The following NT5C1A variants were observed in gnomAD, a reference collection of about 807,000 sequenced individuals.
The protein encoded by NT5C1A is 5'-nucleotidase, cytosolic IA, also known as cytosolic 5'-nucleotidase 1A.
In NT5C1A, 18 loss-of-function variants were observed where a neutral mutation model predicts 31.0. The ratio of observed to expected loss-of-function variants is 0.58; its 90% CI spans 0.40 to 0.86. NT5C1A has a LOEUF of 0.86. Ranked by LOEUF, NT5C1A falls within the 40% of genes least tolerant of loss-of-function variation. The pLI, the probability that NT5C1A is intolerant of heterozygous loss-of-function variation, is 0.00. For synonymous variants in NT5C1A, 185 were observed against 203.6 expected, an observed-to-expected ratio of 0.91 and a Z score of 0.78; for missense variants, 470 against 505.4, an observed-to-expected ratio of 0.93 and a Z score of 0.67.
Position 39,656,609 on chromosome 1 carries a change from G to A in NT5C1A, c.*2512C>T, listed in dbSNP as rs1646460218. On this transcript the variant is annotated 3_prime_UTR_variant, in exon 6 of 6. Transcript: ENST00000235628. The stretch of plus-strand genomic sequence containing the variant: ...TCCTGAGAGACATGGAATCATCAGT[G>A]GTGTTCATCACCAGGCCCTGGGGGC... Among the ~76,000 whole-genome samples the A allele has an allele frequency of 6.6e-6, 1 of 152,236 alleles. No homozygotes were observed. The highest frequency in any genetic ancestry group is 1.5e-5 in the Non-Finnish European group (1 of 68,046).
rs12035327 is a variant in NT5C1A, at chr1:39,670,026, T to C, written c.135+1878A>G. Among the ~76,000 whole-genome samples the C allele has an allele frequency of 0.013, 2,041 of 152,364 alleles. 88 individuals carry two copies. The East Asian group carries it at 0.15, about 11-fold the overall frequency. ...TTGAATTCAATATGTAAGCCAGATATTACCATATATCTCATACCATATGGT... is the reference window on the plus strand; with the variant it reads ...TTGAATTCAATATGTAAGCCAGATACTACCATATATCTCATACCATATGGT... On this transcript the variant is annotated intron_variant, in intron 1 of 5. Coordinates refer to ENST00000235628, the MANE Select transcript of NT5C1A (RefSeq NM_032526.3).
At position 39,670,869 on chromosome 1, in the gene NT5C1A, T is replaced by TCC. The variant is rs11306359; in HGVS notation, c.135+1033_135+1034dup. ...CCCCAGTGTGATGTCACTACTCTAC[T>TCC]CCCCCCCCAACTCCCCTAGGCTCTC... On this transcript the variant is annotated intron_variant, in intron 1 of 5. Transcript: ENST00000235628. 1.2e-3 allele frequency among the ~76,000 whole-genome samples: 179 copies of TCC among 150,278 alleles called. 1 individual carries two copies. In the East Asian group the frequency reaches 0.023, roughly 19 times the overall value.
chr1:39,653,137 C>T lies in NT5C1A; in HGVS notation c.*5984G>A, dbSNP rs1008993440. On this transcript the variant is annotated 3_prime_UTR_variant, in exon 6 of 6. Coordinates refer to ENST00000235628, the MANE Select transcript of NT5C1A (RefSeq NM_032526.3). Reference sequence around the variant, plus strand: ...AGGCAGGTATAGTCAAAAGGATTGCCCTTACACAGATTCTACCACTTCCTT... The same window carrying T: ...AGGCAGGTATAGTCAAAAGGATTGCTCTTACACAGATTCTACCACTTCCTT... 6.6e-6 allele frequency among the ~76,000 whole-genome samples: 1 copy of T among 151,884 alleles called. No homozygotes were observed. The highest frequency in any genetic ancestry group is 1.9e-4 in the East Asian group (1 of 5,162).
At chr1:39,671,600 T>A (rs1286944999) in intron 1 of NT5C1A, among the ~76,000 whole-genome samples, 1 of 152,038 alleles carries the variant, frequency 6.6e-6, no homozygotes, top group Admixed American at 6.6e-5. Flanking sequence ...CGCCAACAAG[T>A]GCAATCCGCG....
At chr1:39,663,498 C>T in intron 3 of NT5C1A, 64 bp from the exon 4 acceptor site, 1 of 1,568,114 alleles carries the variant, frequency 6.4e-7, no homozygotes. Flanking sequence ...GGCAGTCTCT[C>T]TGTGCCCAGT....
chr1:39,660,928 G>C (rs548791978), intron 5 of NT5C1A, 151 bp downstream of exon 5: 2 of 569,368 alleles, frequency 3.5e-6, no homozygotes, highest in African/African-American at 3.6e-5. Context: ...ATTGATGGGG[G>C]GTCAGTGGTC....
rs1479998756 is a variant in NT5C1A at position 39,655,400 on chromosome 1, G to A, written c.*3721C>T. ...GCTTCTGGGGGTTCACAAACGTTTGGCTCTAATTTAAATTATTTGTAGGTG... is the reference window on the plus strand; with the variant it reads ...GCTTCTGGGGGTTCACAAACGTTTGACTCTAATTTAAATTATTTGTAGGTG... On this transcript the variant is annotated 3_prime_UTR_variant, in exon 6 of 6. Transcript: ENST00000235628. Among the ~76,000 whole-genome samples the A allele has an allele frequency of 1.3e-5, 2 of 152,144 alleles. No homozygotes were observed. Among genetic ancestry groups the A allele is most frequent in the Non-Finnish European group, 2.9e-5 (2 of 68,034 alleles).
chr1:39,660,433 C>T (rs2124150958), intron 5 of NT5C1A, among the ~76,000 whole-genome samples: 1 of 152,306 alleles, frequency 6.6e-6, no homozygotes, highest in East Asian at 1.9e-4. Flanking sequence ...CTGAGAGACA[C>T]TGAGCAGTTT....
intron 3 of NT5C1A, among the ~76,000 whole-genome samples, chr1:39,665,293 A>G (rs1349488785): frequency 2.0e-5 from 3 of 152,232 alleles, no homozygotes; most frequent in Non-Finnish European, 4.4e-5. Context: ...GTGTTGTTCA[A>G]CCACTGACAG....
chr1:39,654,308 C>A lies in NT5C1A; in HGVS notation c.*4813G>T, dbSNP rs1471120819. On this transcript the variant is annotated 3_prime_UTR_variant, in exon 6 of 6. Transcript: ENST00000235628. The stretch of plus-strand genomic sequence containing the variant: ...TGAACCGGCTAAAGTCCTCACGGGA[C>A]CCTCTTCACGACGGACTTGTTCTTG... 1.3e-5 allele frequency among the ~76,000 whole-genome samples: 2 copies of A among 152,216 alleles called. No individual in the cohort carries two copies. Among genetic ancestry groups the A allele is most frequent in the Non-Finnish European group, 2.9e-5 (2 of 68,046 alleles).
intron 1 of NT5C1A, among the ~76,000 whole-genome samples, chr1:39,667,723 A>G (rs1379748340): frequency 6.6e-6 from 1 of 152,232 alleles, no homozygotes; most frequent in Non-Finnish European, 1.5e-5. Flanking sequence ...CTCATGATCC[A>G]ACCCCAAGAC....
chr1:39,665,669 C>T lies in NT5C1A; in HGVS notation c.304-19G>A. On this transcript the variant is annotated intron_variant, in intron 2 of 5. Transcript: ENST00000235628. Reference sequence around the variant, plus strand: ...CCAGAGCCTGGAAAGGAGAGGGCACCCCCCAGCTTAGACCCCCAAGGATTG... The same window carrying T: ...CCAGAGCCTGGAAAGGAGAGGGCACTCCCCAGCTTAGACCCCCAAGGATTG... The T allele has an allele frequency of 6.2e-7, 1 of 1,610,958 alleles. No homozygotes were observed. Among genetic ancestry groups the T allele is most frequent in the Non-Finnish European group, 8.5e-7 (1 of 1,178,994 alleles).
rs763938601 is a variant in NT5C1A, at chr1:39,656,993, G to A, written c.*2128C>T. On this transcript the variant is annotated 3_prime_UTR_variant, in exon 6 of 6. Coordinates refer to ENST00000235628, the MANE Select transcript of NT5C1A (RefSeq NM_032526.3). ...GGAGCTCTGGAAGTAGACACAACCC[G>A]GGTCTTCTGCCCCAAGGCCTCCTCT... is the stretch of plus-strand genomic sequence containing the variant. Among the ~76,000 whole-genome samples, 2 of 152,190 alleles carry A rather than the reference G, an allele frequency of 1.3e-5. No homozygotes were observed. Among genetic ancestry groups the A allele is most frequent in the African/African-American group, 4.8e-5 (2 of 41,440 alleles).
intron 2 of NT5C1A, 134 bp downstream of exon 2, chr1:39,665,935 T>C: frequency 1.2e-6 from 1 of 851,530 alleles, no homozygotes; most frequent in Non-Finnish European, 1.8e-6. Flanking sequence ...CTCTGTCACC[T>C]AGCCAAGCTG....
At position 39,658,365 on chromosome 1, in the gene NT5C1A, G is replaced by C. The variant is rs1646473789; in HGVS notation, c.*756C>G. On this transcript the variant is annotated 3_prime_UTR_variant, in exon 6 of 6. Coordinates refer to ENST00000235628, the MANE Select transcript of NT5C1A (RefSeq NM_032526.3). ...TTCAAAATGTGTAAAATTATAGATA[G>C]AGTTGCTGGGGGCGATTTTGCATTT... 6.6e-6 allele frequency among the ~76,000 whole-genome samples: 1 copy of C among 152,198 alleles called. No homozygotes were observed. The highest frequency in any genetic ancestry group is 6.5e-5 in the Admixed American group (1 of 15,284).
chr1:39,670,472 T>G (rs551647381), intron 1 of NT5C1A, among the ~76,000 whole-genome samples: 9 of 152,100 alleles, frequency 5.9e-5, no homozygotes, highest in Non-Finnish European at 1.2e-4. Context: ...TACATTAGAG[T>G]GAGTTGGGTT....
rs555675383 is a variant in NT5C1A, at chr1:39,665,572, T to G, written c.382A>C (p.Asn128His). The G allele has an allele frequency of 6.2e-7, 1 of 1,613,578 alleles. No homozygotes were observed. Among genetic ancestry groups the G allele is most frequent in the Non-Finnish European group, 8.5e-7 (1 of 1,179,922 alleles). Reference sequence around the variant, plus strand: ...CGGACACCCACTTGAGCATGGTTGTTAGTCATGAGGACGATGTCGAAGACG... The same window carrying G: ...CGGACACCCACTTGAGCATGGTTGTGAGTCATGAGGACGATGTCGAAGACG... ...EDVFDIVLMT[N>H]NHAQVGVRLI... The change falls in exon 3 of 6, where the codon AAC becomes CAC. Residue 128 changes from asparagine to histidine, a missense_variant. Asn to His is a moderately conservative substitution (Grantham distance 68). Coordinates refer to ENST00000235628, the MANE Select transcript of NT5C1A (RefSeq NM_032526.3).
intron 5 of NT5C1A, 142 bp from the exon 6 acceptor site, chr1:39,659,628 C>G: frequency 9.6e-7 from 1 of 1,044,668 alleles, no homozygotes; most frequent in Non-Finnish European, 1.4e-6. Context: ...CTTATGCCTG[C>G]TTAGGCTACT....
rs1416552561 is a variant in NT5C1A, at chr1:39,663,417, A to C, written c.451T>G (p.Phe151Val). The part of the protein sequence containing the change: ...INHYDLFIER[F>V]CMTGGNSPIC... ...GGGCTGTTCCCACCTGTCATGCAGA[A>C]CCTCTCGATGAACAGGTCTGGGAAG... Residue 151 changes from phenylalanine to valine, a missense_variant, in exon 4 of 6, where the codon TTC becomes GTC. Phe to Val is a conservative substitution (Grantham distance 50). Transcript: ENST00000235628. The C allele has an allele frequency of 4.3e-6, 7 of 1,613,844 alleles. No individual in the cohort carries two copies. The highest frequency in any genetic ancestry group is 5.9e-6 in the Non-Finnish European group (7 of 1,179,978).
Sources: gnomAD v4.1 joint callset for allele counts (sites outside exome capture counted in the v4.1 genomes callset) on GRCh38, gnomAD v4.1.1 for gene constraint, MANE v1.5 for transcripts, NCBI Gene and HGNC (gene_info 2026-07-23, HGNC 2026-07-21) for gene names.